Variants in TCP11L2 observed in about 807,000 individuals in gnomAD.
TCP11L2 encodes the protein T-complex protein 11-like protein 2.
TCP11L2 carries 39 observed loss-of-function variants against 50.7 expected under a neutral mutation model. That is an observed-to-expected ratio of 0.77 (90% CI 0.60 to 1.01). TCP11L2 has a LOEUF of 1.01. TCP11L2 is among the 50% of genes least tolerant of loss of function. TCP11L2 has a pLI of 0.00. For synonymous variants in TCP11L2, 192 were observed against 219.3 expected (o/e 0.88, Z 1.10); for missense variants, 612 against 614.7 (o/e 1.00, Z 0.05).
chr12:106,314,572 TGTGTGAGAGAGAGAGAGA>T, intron 3 of TCP11L2, 79 bp downstream of exon 3: 1 of 840,818 alleles, frequency 1.2e-6, no homozygotes, highest in Non-Finnish European at 1.7e-6. Context: ...TGTGTGTGTG[TGTGTGAGAGAGAGAGAGA>T]GAGAGAGAGA....
chr12:106,310,792 A>G lies in TCP11L2; in HGVS notation c.-35-249A>G, dbSNP rs572718395. Among the ~76,000 whole-genome samples, 9 of 152,328 alleles carry G rather than the reference A, an allele frequency of 5.9e-5. No individual in the cohort carries two copies. The South Asian group carries it at 1.2e-3, about 21-fold the overall frequency. ...AGGACCTGCCATTACTTAGAGCTTCACATTTATAGTGGGTGTGTCCTGAGT... is the reference window on the plus strand; with the variant it reads ...AGGACCTGCCATTACTTAGAGCTTCGCATTTATAGTGGGTGTGTCCTGAGT... On this transcript the variant is annotated intron_variant, in intron 1 of 9. Transcript: ENST00000299045.
chr12:106,340,821 C>T lies in TCP11L2; in HGVS notation c.1143-5C>T, dbSNP rs1455507455. ...CCTGGTGGAATTTCATTTTATGTTT[C>T]ATAGGACCTTTAACTTGAAGGAAGT... On this transcript the variant is annotated splice_polypyrimidine_tract_variant and splice_region_variant and intron_variant, in intron 8 of 9. Coordinates refer to ENST00000299045, the MANE Select transcript of TCP11L2 (RefSeq NM_152772.3). The T allele has an allele frequency of 6.3e-7, 1 of 1,578,292 alleles. No homozygotes were observed. Among genetic ancestry groups the T allele is most frequent in the African/African-American group, 1.4e-5 (1 of 72,816 alleles).
intron 3 of TCP11L2, 77 bp downstream of exon 3, chr12:106,314,570 TGTGTGTGAGAGAGAGAGA>T (rs2035001450): frequency 1.0e-6 from 1 of 975,944 alleles, no homozygotes; most frequent in South Asian, 1.6e-5. Flanking sequence ...TGTGTGTGTG[TGTGTGTGAGAGAGAGAGA>T]GAGAGAGAGA....
At chr12:106,316,543 G>A (rs922785097) in intron 3 of TCP11L2, among the ~76,000 whole-genome samples, 1 of 151,888 alleles carries the variant, frequency 6.6e-6, no homozygotes, top group African/African-American at 2.4e-5. Flanking sequence ...ACCTTCACAT[G>A]GCTCTTTGCT....
intron 1 of TCP11L2, among the ~76,000 whole-genome samples, chr12:106,305,761 A>G (rs2136596244): frequency 6.6e-6 from 1 of 152,336 alleles, no homozygotes; most frequent in Non-Finnish European, 1.5e-5. Context: ...CTGAATGACA[A>G]TAGGGAGCCA....
intron 3 of TCP11L2, among the ~76,000 whole-genome samples, chr12:106,317,892 A>G (rs989660886): frequency 6.6e-6 from 1 of 152,218 alleles, no homozygotes; most frequent in Non-Finnish European, 1.5e-5. Context: ...TAAATGGGAC[A>G]CCTAAGTCTG....
At chr12:106,300,356 G>A (rs1391694765), upstream of TCP11L2, among the ~76,000 whole-genome samples, 1 of 152,164 alleles carries the variant, frequency 6.6e-6, no homozygotes, top group African/African-American at 2.4e-5. Flanking sequence ...TTGAGATGGA[G>A]TCTCGCTCTG....
At chr12:106,300,643 T>A (rs1430008412), upstream of TCP11L2, among the ~76,000 whole-genome samples, 1 of 152,250 alleles carries the variant, frequency 6.6e-6, no homozygotes, top group East Asian at 1.9e-4. Flanking sequence ...AGTGCTTTTA[T>A]ACACAAGTCA....
intron 3 of TCP11L2, 69 bp downstream of exon 3, chr12:106,314,562 TGTGTGTGTGTGTGTGAGAGAGA>T (rs903054179): frequency 3.4e-5 from 33 of 961,996 alleles, no homozygotes; most frequent in Admixed American, 4.4e-5. Flanking sequence ...TGTGTGTGTG[TGTGTGTGTGTGTGTGAGAGAGA>T]GAGAGAGAGA....
chr12:106,318,560 A>C, intron 4 of TCP11L2, 96 bp downstream of exon 4: 1 of 1,491,712 alleles, frequency 6.7e-7, no homozygotes, highest in Non-Finnish European at 9.1e-7. Flanking sequence ...AACAATAGAA[A>C]TTTACTTCTC....
upstream of TCP11L2, among the ~76,000 whole-genome samples, chr12:106,298,035 G>A (rs2034374536): frequency 6.6e-6 from 1 of 152,222 alleles, no homozygotes; most frequent in Non-Finnish European, 1.5e-5. Context: ...TTTTTAGTAT[G>A]TGACAGGGTC....
At chr12:106,316,018 A>C (rs2035065822) in intron 3 of TCP11L2, among the ~76,000 whole-genome samples, 1 of 152,200 alleles carries the variant, frequency 6.6e-6, no homozygotes, top group Non-Finnish European at 1.5e-5. Context: ...TAAAATGTGG[A>C]TCATAGTCCT....
chr12:106,312,227 C>A, intron 2 of TCP11L2: 2 of 405,474 alleles, frequency 4.9e-6, no homozygotes, highest in Non-Finnish European at 9.5e-6. Flanking sequence ...TAAAATTAAC[C>A]ATTGATTAAT....
At chr12:106,342,270 G>T (rs1196143668) in intron 9 of TCP11L2, among the ~76,000 whole-genome samples, 1 of 152,192 alleles carries the variant, frequency 6.6e-6, no homozygotes, top group African/African-American at 2.4e-5. Context: ...GAATGCTGGG[G>T]ATCCAAGCTT....
intron 8 of TCP11L2, among the ~76,000 whole-genome samples, chr12:106,338,254 A>G (rs1308172956): frequency 2.6e-5 from 4 of 152,170 alleles, no homozygotes; most frequent in Admixed American, 2.0e-4. Context: ...GGTTTGGTGT[A>G]CCAGTGATTT....
intron 1 of TCP11L2, among the ~76,000 whole-genome samples, chr12:106,306,392 G>C (rs1400160149): frequency 1.3e-5 from 2 of 152,166 alleles, no homozygotes; most frequent in Non-Finnish European, 1.5e-5. Flanking sequence ...TTGAGAAAAA[G>C]TTGTATATGT....
At chr12:106,317,037 A>G (rs1056419771) in intron 3 of TCP11L2, among the ~76,000 whole-genome samples, 3 of 152,174 alleles carry the variant, frequency 2.0e-5, no homozygotes, top group Non-Finnish European at 4.4e-5. Flanking sequence ...CACACTTCCC[A>G]AGAATAAGAA....
upstream of TCP11L2, among the ~76,000 whole-genome samples, chr12:106,301,155 A>C (rs549551355): frequency 1.3e-5 from 2 of 152,344 alleles, no homozygotes; most frequent in East Asian, 1.9e-4. Flanking sequence ...AACGAATGAC[A>C]CAAATAAGAG....
Position 106,335,826 on chromosome 12 carries a change from G to A in TCP11L2, c.960G>A (p.Glu320=), listed in dbSNP as rs1260057362. ...ATTATCAGAAAAAAGAATTACCAGA[G>A]GTGAGTGGTTTTGTTCTTCACCCAA... ...QWDYQKKELP[E]TLMTDGARLQ... is the part of the protein sequence containing the mutation. Residue 320 remains glutamate, a splice_region_variant and synonymous_variant, in exon 7 of 10, where the codon GAG becomes GAA. Transcript: ENST00000299045. 3.7e-6 allele frequency: 6 copies of A among 1,611,638 alleles called. No individual in the cohort carries two copies. The highest frequency in any genetic ancestry group is 4.2e-6 in the Non-Finnish European group (5 of 1,179,254).
Sources: gnomAD v4.1 joint callset for allele counts (sites outside exome capture counted in the v4.1 genomes callset) on GRCh38, gnomAD v4.1.1 for gene constraint, MANE v1.5 for transcripts, NCBI Gene and HGNC (gene_info 2026-07-23, HGNC 2026-07-21) for gene names.